The following PFKFB3 variants were observed in gnomAD, a reference collection of about 807,000 sequenced individuals.
The protein encoded by PFKFB3 is 6-phosphofructo-2-kinase/fructose-2,6-bisphosphatase 3.
Under a neutral mutation model 68.0 loss-of-function variants are expected in PFKFB3, and 33 were observed. That is an observed-to-expected ratio of 0.49 (90% CI 0.37 to 0.65). PFKFB3 has a LOEUF of 0.65. Among genes scored for constraint, PFKFB3 ranks in the 30% least tolerant of loss-of-function variants. The probability of loss-of-function intolerance (pLI) is 0.00; values close to 1 mark genes in which losing one functional copy is unlikely to be tolerated. For missense variants in PFKFB3, 586 were observed against 712.2 expected (o/e 0.82, Z 2.02); for synonymous variants, 315 against 288.2 (o/e 1.09, Z -0.94).
chr10:6,278,870 TAGAC>T, the PFKFB3 span, among the ~76,000 whole-genome samples: 25 of 152,218 alleles, frequency 1.6e-4, no homozygotes, highest in Non-Finnish European at 2.5e-4. Flanking sequence ...GTTTTAGACT[TAGAC>T]AGACTCGAAT....
the PFKFB3 span, among the ~76,000 whole-genome samples, chr10:6,279,991 C>T: frequency 3.3e-5 from 5 of 152,138 alleles, no homozygotes; most frequent in East Asian, 1.9e-4. Context: ...CAGATAGGAC[C>T]GGATAGCTTT....
rs1261760836 is a variant in PFKFB3 at position 6,213,801 on chromosome 10, C to T, written c.202+53C>T. The stretch of plus-strand genomic sequence containing the variant: ...CTGCTCGTGCAAAAACTTGACCTTC[C>T]ATCTCAGTTGCTGGTTTCACAGGCA... On this transcript the variant is annotated intron_variant, in intron 2 of 14. Transcript: ENST00000379775. 5.0e-6 allele frequency: 8 copies of T among 1,585,332 alleles called. No homozygotes were observed. In the African/African-American group the frequency reaches 5.4e-5, roughly 11 times the overall value.
intron 6 of PFKFB3, among the ~76,000 whole-genome samples, chr10:6,218,578 G>A (rs112664959): frequency 0.032 from 4,931 of 152,004 alleles, 131 homozygotes; most frequent in Middle Eastern, 0.088. Flanking sequence ...ACAGGTGTGC[G>A]CCACCACGCC....
At chr10:6,206,334 G>T (rs1225219902) in intron 1 of PFKFB3, among the ~76,000 whole-genome samples, 2 of 139,776 alleles carry the variant, frequency 1.4e-5, no homozygotes, top group South Asian at 4.8e-4. Context: ...AAAATGAAAA[G>T]TCTCCCATGT....
intron 1 of PFKFB3, among the ~76,000 whole-genome samples, chr10:6,207,927 T>C (rs148709224): frequency 5.9e-5 from 9 of 152,318 alleles, no homozygotes; most frequent in African/African-American, 1.9e-4. Context: ...TTCTGAGGGA[T>C]CCTGGGTACC....
chr10:6,278,299 T>C, the PFKFB3 span, among the ~76,000 whole-genome samples: 1 of 151,572 alleles, frequency 6.6e-6, no homozygotes, highest in Non-Finnish European at 1.5e-5. Flanking sequence ...TTGTTGTTTT[T>C]AAGAGGGAGT....
At chr10:6,158,890 A>G (rs1314163933) in intron 1 of PFKFB3, among the ~76,000 whole-genome samples, 1 of 151,362 alleles carries the variant, frequency 6.6e-6, no homozygotes, top group African/African-American at 2.4e-5. Flanking sequence ...AAAGAAATTC[A>G]CCTACTCGAA....
chr10:6,243,361 A>C (rs1846183714), intron 14 of PFKFB3, among the ~76,000 whole-genome samples: 1 of 152,216 alleles, frequency 6.6e-6, no homozygotes, highest in Non-Finnish European at 1.5e-5. Flanking sequence ...TTAGTTATTA[A>C]ATCCCAGAAG....
chr10:6,222,996 A>C lies in PFKFB3; in HGVS notation c.1213+12A>C. On this transcript the variant is annotated intron_variant, in intron 11 of 14. Coordinates refer to ENST00000379775, the MANE Select transcript of PFKFB3 (RefSeq NM_004566.4). Reference sequence around the variant, plus strand: ...GGATAAGAGTGCAGGTACCTCGGGCAGGTCGTGGCCCCGGGATGGAGGGAG... The same window carrying C: ...GGATAAGAGTGCAGGTACCTCGGGCCGGTCGTGGCCCCGGGATGGAGGGAG... The C allele has an allele frequency of 6.2e-7, 1 of 1,610,540 alleles. No homozygotes were observed. The highest frequency in any genetic ancestry group is 1.3e-5 in the African/African-American group (1 of 74,926).
chr10:6,210,462 G>T lies in PFKFB3; in HGVS notation c.77-3161G>T, dbSNP rs568086945. ...TGCAAGCTCCGCCTCCCGGGTTCAC[G>T]CCATTCTCCTGCCTCAGCCTCCCGA... On this transcript the variant is annotated intron_variant, in intron 1 of 14. Transcript: ENST00000379775. 3.6e-5 allele frequency among the ~76,000 whole-genome samples: 4 copies of T among 111,634 alleles called. 1 individual carries two copies. Among genetic ancestry groups the T allele is most frequent in the Admixed American group, 2.0e-4 (2 of 10,228 alleles). 73.2% of individuals were successfully genotyped at this position (111,634 alleles called of 152,430 possible). A position where few individuals can be genotyped will look rare whatever the true frequency, so the allele number is the denominator to read the frequency against.
At chr10:6,311,390 C>T in the PFKFB3 span, among the ~76,000 whole-genome samples, 6 of 152,254 alleles carry the variant, frequency 3.9e-5, no homozygotes, top group African/African-American at 1.2e-4. Flanking sequence ...CTAATTCCTC[C>T]TTTTCTGGCA....
At position 6,154,588 on chromosome 10, in the gene PFKFB3, GT is replaced by G. The variant is rs1841708412; in HGVS notation, c.16+9576del. On this transcript the variant is annotated intron_variant, in intron 1 of 14. Coordinates refer to the PFKFB3 transcript ENST00000379789. This position sits in a 1 kb window ranked among gnomAD's most constrained non-coding sequence, Gnocchi z 4.6. ...ACACCATAAAACGTCTCCGCCACGG[GT>G]GGCTACTATCCTGAGAGCAGACTGT... Among the ~76,000 whole-genome samples the G allele has an allele frequency of 6.6e-6, 1 of 152,130 alleles. No individual in the cohort carries two copies. Among genetic ancestry groups the G allele is most frequent in the African/African-American group, 2.4e-5 (1 of 41,438 alleles).
At chr10:6,208,484 G>A (rs1301190543) in intron 1 of PFKFB3, among the ~76,000 whole-genome samples, 1 of 147,002 alleles carries the variant, frequency 6.8e-6, no homozygotes, top group East Asian at 2.2e-4. Context: ...AAGAAAGGTT[G>A]ATGTGGCACT....
chr10:6,246,113 C>T (rs1391574012), intron 14 of PFKFB3, among the ~76,000 whole-genome samples: 1 of 152,130 alleles, frequency 6.6e-6, no homozygotes, highest in Non-Finnish European at 1.5e-5. Flanking sequence ...TGGCCATTCA[C>T]CCGGCTGGGC....
At position 6,226,237 on chromosome 10, in the gene PFKFB3, A is replaced by G. The variant is rs765168696; in HGVS notation, c.1387A>G (p.Thr463Ala). The G allele has an allele frequency of 6.2e-6, 10 of 1,613,436 alleles. No individual in the cohort carries two copies. Among genetic ancestry groups the G allele is most frequent in the Non-Finnish European group, 7.6e-6 (9 of 1,179,732 alleles). The stretch of plus-strand genomic sequence containing the variant: ...CCCGCTCATGAGACGCAATAGTGTC[A>G]CCCCGCTAGCCAGCCCCGAACCCAC... ...PNPLMRRNSV[T>A]PLASPEPTKK... The change falls in exon 14 of 15, where the codon ACC (threonine) becomes GCC (alanine). Residue 463 changes from threonine (T) to alanine (A), a missense_variant. Coordinates refer to ENST00000379775, the MANE Select transcript of PFKFB3 (RefSeq NM_004566.4).
chr10:6,160,592 C>T (rs1302828744), intron 1 of PFKFB3, among the ~76,000 whole-genome samples: 1 of 151,944 alleles, frequency 6.6e-6, no homozygotes, highest in Non-Finnish European at 1.5e-5. Flanking sequence ...GTGGCACGCA[C>T]CTGTAATCCC....
chr10:6,187,002 C>T (rs974191617), intron 1 of PFKFB3, among the ~76,000 whole-genome samples: 11 of 152,022 alleles, frequency 7.2e-5, no homozygotes, highest in Admixed American at 4.6e-4. Context: ...TGTGCCGCCA[C>T]GACTGAAGCT....
downstream of PFKFB3, among the ~76,000 whole-genome samples, chr10:6,237,836 G>T (rs973356365): frequency 6.6e-6 from 1 of 152,106 alleles, no homozygotes; most frequent in Non-Finnish European, 1.5e-5. Context: ...AAAGTGCTGG[G>T]ATTACAGACG....
intron 1 of PFKFB3, among the ~76,000 whole-genome samples, chr10:6,165,858 A>T (rs1355443552): frequency 3.3e-5 from 5 of 150,960 alleles, no homozygotes; most frequent in Non-Finnish European, 7.4e-5. Context: ...TCTGTCGCCC[A>T]GACTGAAGTG....
Sources: allele counts gnomAD v4.1 joint callset (sites outside exome capture counted in the v4.1 genomes callset), GRCh38; gene constraint gnomAD v4.1.1; non-coding constraint Gnocchi (gnomAD v3.1); transcripts MANE v1.5; gene names NCBI Gene and HGNC (gene_info 2026-07-23, HGNC 2026-07-21).